The following PDE8A variants were observed in gnomAD, a reference collection of about 807,000 sequenced individuals.
PDE8A encodes phosphodiesterase 8A.
A neutral mutation model predicts 105.0 loss-of-function variants in PDE8A; 59 were observed. That is an observed-to-expected ratio of 0.56 (90% CI 0.46 to 0.70). The LOEUF (loss-of-function observed/expected upper bound fraction) is 0.70. Ranked by LOEUF, PDE8A falls within the 30% of genes least tolerant of loss-of-function variation. The pLI, the probability that PDE8A is intolerant of heterozygous loss-of-function variation, is 0.00. For missense variants in PDE8A, 1,014 were observed against 1,045.9 expected (o/e 0.97, Z 0.42); for synonymous variants, 355 against 371.9 (o/e 0.95, Z 0.52).
At chr15:84,997,894 C>A (rs1596418205) in intron 1 of PDE8A, among the ~76,000 whole-genome samples, 1 of 152,184 alleles carries the variant, frequency 6.6e-6, no homozygotes, top group African/African-American at 2.4e-5. Context: ...CTGCGCCCAG[C>A]CATGTATATC....
At chr15:85,062,307 A>C (rs1387952502) in intron 1 of PDE8A, among the ~76,000 whole-genome samples, 1 of 152,190 alleles carries the variant, frequency 6.6e-6, no homozygotes, top group African/African-American at 2.4e-5. Context: ...GCCAAGGATC[A>C]GTCTAATGTG....
intron 1 of PDE8A, among the ~76,000 whole-genome samples, chr15:84,998,621 A>G (rs940740662): frequency 6.6e-6 from 1 of 152,198 alleles, no homozygotes; most frequent in Non-Finnish European, 1.5e-5. Flanking sequence ...ATTTATCAAT[A>G]TGTAGTCAGT....
chr15:84,980,942 G>C (rs1216109341), upstream of PDE8A, among the ~76,000 whole-genome samples: 1 of 152,208 alleles, frequency 6.6e-6, no homozygotes, highest in East Asian at 1.9e-4. Flanking sequence ...GCGAGGGAGC[G>C]CACGTGGGCT....
intron 1 of PDE8A, among the ~76,000 whole-genome samples, chr15:84,987,772 C>T (rs973854036): frequency 5.9e-5 from 9 of 151,982 alleles, no homozygotes; most frequent in African/African-American, 1.5e-4. Flanking sequence ...CCACCGCGCC[C>T]GGCCTTGGAT....
At chr15:85,097,887 A>T in intron 8 of PDE8A, 61 bp from the exon 9 acceptor site, 1 of 949,172 alleles carries the variant, frequency 1.1e-6, no homozygotes, top group Non-Finnish European at 1.7e-6. Context: ...CTGAAGTGGA[A>T]AATGTTCTTG....
intron 1 of PDE8A, among the ~76,000 whole-genome samples, chr15:84,984,306 G>T (rs2079767531): frequency 6.6e-6 from 1 of 152,168 alleles, no homozygotes; most frequent in African/African-American, 2.4e-5. Flanking sequence ...AGATAGTAGA[G>T]CAGAGGTAAA....
chr15:84,981,528 G>A (rs1477597491), upstream of PDE8A, among the ~76,000 whole-genome samples: 1 of 152,180 alleles, frequency 6.6e-6, no homozygotes, highest in Non-Finnish European at 1.5e-5. Context: ...CCGCTCCGAG[G>A]GGTTTCCCTC....
intron 11 of PDE8A, among the ~76,000 whole-genome samples, chr15:85,100,666 T>C (rs2081847221): frequency 2.0e-5 from 3 of 152,240 alleles, no homozygotes; most frequent in Admixed American, 2.0e-4. Flanking sequence ...GCTTTCTTAC[T>C]GCAAATGCAT....
intron 11 of PDE8A, among the ~76,000 whole-genome samples, chr15:85,108,568 G>C (rs2081978174): frequency 6.6e-6 from 1 of 152,140 alleles, no homozygotes; most frequent in Non-Finnish European, 1.5e-5. Flanking sequence ...AAGGGAGGCA[G>C]ATGAGCTATC....
At chr15:85,055,374 T>G (rs538309342) in intron 1 of PDE8A, among the ~76,000 whole-genome samples, 1 of 152,204 alleles carries the variant, frequency 6.6e-6, no homozygotes, top group Non-Finnish European at 1.5e-5. Flanking sequence ...TTGTTAACTT[T>G]CTGTCTTGTT....
intron 8 of PDE8A, among the ~76,000 whole-genome samples, chr15:85,091,664 G>C (rs909035200): frequency 6.6e-6 from 1 of 152,124 alleles, no homozygotes; most frequent in Non-Finnish European, 1.5e-5. Flanking sequence ...TCCTGCCTTA[G>C]AGAGCTCATA....
chr15:85,052,084 G>C (rs1462130956), intron 1 of PDE8A, among the ~76,000 whole-genome samples: 2 of 151,634 alleles, frequency 1.3e-5, no homozygotes, highest in African/African-American at 4.9e-5. Context: ...TTGGTTTTCT[G>C]TCCTTGCAAT....
intron 8 of PDE8A, among the ~76,000 whole-genome samples, chr15:85,093,034 G>C (rs1229665021): frequency 6.6e-6 from 1 of 151,290 alleles, no homozygotes; most frequent in African/African-American, 2.4e-5. Context: ...TCAGCCTCCT[G>C]AGTTGCTGGG....
At chr15:85,066,103 T>G (rs1420286921) in intron 2 of PDE8A, among the ~76,000 whole-genome samples, 1 of 152,232 alleles carries the variant, frequency 6.6e-6, no homozygotes, top group Non-Finnish European at 1.5e-5. Flanking sequence ...GGATTAAGTA[T>G]TCTAATAATT....
chr15:84,991,678 A>G (rs769591816), intron 1 of PDE8A, among the ~76,000 whole-genome samples: 9 of 152,230 alleles, frequency 5.9e-5, no homozygotes, highest in Non-Finnish European at 1.3e-4. Context: ...ACTTTCCTGT[A>G]AAACCCAAAT....
intron 1 of PDE8A, among the ~76,000 whole-genome samples, chr15:85,024,836 T>G (rs55719004): frequency 0.057 from 8,667 of 152,262 alleles, 617 homozygotes; most frequent in African/African-American, 0.17. Flanking sequence ...GATGTGTTAA[T>G]GGGGCTGCCG....
intron 1 of PDE8A, among the ~76,000 whole-genome samples, chr15:85,058,773 T>G (rs1449238424): frequency 6.6e-6 from 1 of 152,204 alleles, no homozygotes; most frequent in East Asian, 1.9e-4. Flanking sequence ...CTAATTTTGG[T>G]AATTTGAGTC....
intron 3 of PDE8A, among the ~76,000 whole-genome samples, chr15:85,074,529 C>T (rs1329664650): frequency 6.6e-6 from 1 of 152,122 alleles, no homozygotes; most frequent in East Asian, 1.9e-4. Flanking sequence ...AGTGAGACCT[C>T]GTCTCTACAA....
intron 11 of PDE8A, among the ~76,000 whole-genome samples, chr15:85,104,918 A>T (rs1298820320): frequency 1.3e-5 from 2 of 152,262 alleles, no homozygotes; most frequent in South Asian, 2.1e-4. Context: ...TCATTCATCC[A>T]AACTCAGTGC....
Sources: allele counts gnomAD v4.1 joint callset (sites outside exome capture counted in the v4.1 genomes callset), GRCh38; gene constraint gnomAD v4.1.1; transcripts MANE v1.5; gene names NCBI Gene and HGNC (gene_info 2026-07-23, HGNC 2026-07-21).